Variants in AK9 observed in about 807,000 individuals in gnomAD.
AK9 encodes adenylate kinase domain containing 1.
AK9 carries 191 observed loss-of-function variants against 239.6 expected under a neutral mutation model. That is an observed-to-expected ratio of 0.80 (90% CI 0.71 to 0.90). The LOEUF (loss-of-function observed/expected upper bound fraction) is 0.90. AK9 is among the 40% of genes least tolerant of loss of function. The pLI, the probability that AK9 is intolerant of heterozygous loss-of-function variation, is 0.00. For synonymous variants in AK9, 689 were observed against 721.0 expected (o/e 0.96, Z 0.71); for missense variants, 1,995 against 2,214.7 (o/e 0.90, Z 1.99).
At chr6:109,564,999 G>A (rs1786280764) in intron 21 of AK9, among the ~76,000 whole-genome samples, 154 bp from the exon 22 acceptor site, 1 of 152,042 alleles carries the variant, frequency 6.6e-6, no homozygotes, top group Admixed American at 6.6e-5. Context: ...AACGGCATAA[G>A]AATACATAAT....
intron 5 of AK9, among the ~76,000 whole-genome samples, chr6:109,670,747 G>A (rs543391805): frequency 6.6e-6 from 1 of 151,930 alleles, no homozygotes; most frequent in Non-Finnish European, 1.5e-5. Flanking sequence ...CAAATACTAT[G>A]TTTTCTGAGG....
rs559825056 is a variant in AK9 at position 109,646,739 on chromosome 6, C to T, written c.760-2051G>A. On this transcript the variant is annotated intron_variant, in intron 8 of 40. Transcript: ENST00000424296. ...ATTCAAATTCAGGAAATACAGAGAA[C>T]GCTACAAAGATACTCCTTGAGAAGA... Among the ~76,000 whole-genome samples, 25 of 152,184 alleles carry T rather than the reference C, an allele frequency of 1.6e-4. No homozygotes were observed. In the South Asian group the frequency reaches 2.5e-3, roughly 15 times the overall value.
At chr6:109,672,062 G>T in intron 4 of AK9, 47 bp from the exon 5 acceptor site, 1 of 1,608,664 alleles carries the variant, frequency 6.2e-7, no homozygotes, top group Non-Finnish European at 8.5e-7. Context: ...ATATATCTAT[G>T]ATACAGAGCT....
At position 109,550,362 on chromosome 6, in the gene AK9, A is replaced by G. The variant is rs971273838; in HGVS notation, c.2752-60T>C. The G allele has an allele frequency of 2.1e-6, 3 of 1,433,532 alleles. No homozygotes were observed. In the African/African-American group the frequency reaches 4.3e-5, roughly 21 times the overall value. 88.8% of individuals were successfully genotyped at this position (1,433,532 alleles called of 1,614,324 possible). On this transcript the variant is annotated intron_variant, in intron 24 of 40. Coordinates refer to ENST00000424296, the MANE Select transcript of AK9 (RefSeq NM_001145128.3). ...ACTAAAAAAGTATTTTGATGCAGAT[A>G]ATTTTTTAAAATGCTTCTTGAATAA...
intron 38 of AK9, among the ~76,000 whole-genome samples, chr6:109,496,750 G>C (rs1777074302): frequency 1.3e-5 from 2 of 152,056 alleles, no homozygotes; most frequent in Non-Finnish European, 2.9e-5. Context: ...GCTCAAACAT[G>C]CTATCATATT....
chr6:109,565,651 G>A (rs922366811), intron 21 of AK9, among the ~76,000 whole-genome samples: 3 of 152,144 alleles, frequency 2.0e-5, no homozygotes, highest in Non-Finnish European at 4.4e-5. Context: ...AAGGATGTAA[G>A]ACATGCTGCA....
At chr6:109,549,771 T>C (rs1784120416) in intron 25 of AK9, 1 of 162,592 alleles carries the variant, frequency 6.2e-6, no homozygotes, top group African/African-American at 2.4e-5. Context: ...GTTCACGCCA[T>C]TCTCCTGCCT....
chr6:109,671,807 AT>A, intron 5 of AK9, 111 bp downstream of exon 5: 1 of 810,902 alleles, frequency 1.2e-6, no homozygotes, highest in Non-Finnish European at 2.0e-6. Flanking sequence ...AGATAATGAG[AT>A]TCTTATGCTA....
At chr6:109,607,625 A>G (rs898788809) in intron 17 of AK9, among the ~76,000 whole-genome samples, 2 of 152,154 alleles carry the variant, frequency 1.3e-5, no homozygotes, top group African/African-American at 4.8e-5. Flanking sequence ...TAATCCACTG[A>G]GGATATCCAC....
chr6:109,587,417 T>C (rs1789648131), intron 17 of AK9, among the ~76,000 whole-genome samples: 1 of 152,190 alleles, frequency 6.6e-6, no homozygotes, highest in Non-Finnish European at 1.5e-5. Context: ...GCTGCATTGA[T>C]ATATTGCACT....
intron 8 of AK9, 108 bp downstream of exon 8, chr6:109,656,648 G>T: frequency 8.0e-7 from 1 of 1,253,114 alleles, no homozygotes; most frequent in Non-Finnish European, 1.1e-6. Context: ...CTCAAGGGGA[G>T]AATCAGACAG....
chr6:109,669,217 G>C (rs1562587043), intron 5 of AK9, among the ~76,000 whole-genome samples: 1 of 152,094 alleles, frequency 6.6e-6, no homozygotes, highest in Non-Finnish European at 1.5e-5. Context: ...AAGAATGCTT[G>C]TGATTTTTGC....
intron 1 of AK9, among the ~76,000 whole-genome samples, chr6:109,682,426 C>CAAAAAAAAAA (rs57215335): frequency 0.011 from 752 of 68,374 alleles, 64 homozygotes; most frequent in African/African-American, 0.036. Context: ...GACTCCGTCT[C>CAAAAAAAAAA]AAAAAAAAAA....
At chr6:109,563,508 T>C in intron 24 of AK9, 89 bp downstream of exon 24, 3 of 1,486,480 alleles carry the variant, frequency 2.0e-6, no homozygotes, top group Non-Finnish European at 2.7e-6. Context: ...GTCTGTTCAC[T>C]TGGGGTCCAA....
At chr6:109,673,760 T>C (rs1170607683) in intron 3 of AK9, among the ~76,000 whole-genome samples, 1 of 151,990 alleles carries the variant, frequency 6.6e-6, no homozygotes, top group African/African-American at 2.4e-5. Context: ...AGAATAGAGT[T>C]GATGACATTT....
At chr6:109,527,531 A>C (rs1365449455) in intron 29 of AK9, 5 of 152,240 alleles carry the variant, frequency 3.3e-5, no homozygotes, top group Non-Finnish European at 4.4e-5. Context: ...ACACTAACTC[A>C]TCCCTGAGAT....
At chr6:109,609,683 T>A (rs772602669) in intron 17 of AK9, among the ~76,000 whole-genome samples, 52 of 152,164 alleles carry the variant, frequency 3.4e-4, no homozygotes, top group Non-Finnish European at 7.3e-4. Flanking sequence ...TACTCTAACA[T>A]CCTACATATT....
intron 2 of AK9, among the ~76,000 whole-genome samples, 160 bp downstream of exon 2, chr6:109,675,469 T>G (rs945072601): frequency 1.3e-5 from 2 of 152,154 alleles, no homozygotes; most frequent in African/African-American, 4.8e-5. Flanking sequence ...AGTTATGAAT[T>G]TATAACCAAT....
rs150979279 is a variant in AK9, at chr6:109,532,135, T to C, written c.3570+1116A>G. On this transcript the variant is annotated intron_variant, in intron 28 of 40. Coordinates refer to ENST00000424296, the MANE Select transcript of AK9 (RefSeq NM_001145128.3). Reference sequence around the variant, plus strand: ...TAATTTAAGTCTTAGTATCTCAGAATTGAAATTAATAGATGAGCTCTCTGA... The same window carrying C: ...TAATTTAAGTCTTAGTATCTCAGAACTGAAATTAATAGATGAGCTCTCTGA... Among the ~76,000 whole-genome samples the C allele has an allele frequency of 9.2e-5, 14 of 152,334 alleles. No homozygotes were observed. In the South Asian group the frequency reaches 1.2e-3, roughly 14 times the overall value.
Sources: gnomAD v4.1 joint callset for allele counts (sites outside exome capture counted in the v4.1 genomes callset) on GRCh38, gnomAD v4.1.1 for gene constraint, MANE v1.5 for transcripts, NCBI Gene and HGNC (gene_info 2026-07-23, HGNC 2026-07-21) for gene names.